Variants in AHCYL1 observed in about 807,000 individuals in gnomAD.
The protein encoded by AHCYL1 is S-adenosylhomocysteine hydrolase-like protein 1.
A neutral mutation model predicts 79.3 loss-of-function variants in AHCYL1; 20 were observed. The observed-to-expected ratio is 0.25, with a 90% CI of 0.18 to 0.37. AHCYL1 has a LOEUF of 0.37. AHCYL1 is among the 10% of genes least tolerant of loss of function. The probability of loss-of-function intolerance (pLI) is 1.00; values close to 1 mark genes in which losing one functional copy is unlikely to be tolerated. For synonymous variants in AHCYL1, 223 were observed against 242.2 expected, an observed-to-expected ratio of 0.92 and a Z score of 0.74; for missense variants, 330 against 673.6, an observed-to-expected ratio of 0.49 and a Z score of 5.65.
At chr1:109,993,184 T>G (rs1470080009) in intron 1 of AHCYL1, among the ~76,000 whole-genome samples, 2 of 152,222 alleles carry the variant, frequency 1.3e-5, no homozygotes, top group Admixed American at 1.3e-4. Context: ...CAGATGCCCC[T>G]GAAGCTCCAG....
chr1:110,004,040 C>T, intron 1 of AHCYL1: 1 of 985,452 alleles, frequency 1.0e-6, no homozygotes, highest in Non-Finnish European at 1.2e-6. Flanking sequence ...TTTTAAGTGA[C>T]TCAGCAGTTT....
At chr1:110,019,964 G>A (rs145522642) in intron 15 of AHCYL1, among the ~76,000 whole-genome samples, 2 of 152,304 alleles carry the variant, frequency 1.3e-5, no homozygotes, top group East Asian at 3.9e-4. Flanking sequence ...GGAACAAAAT[G>A]AGAGAAACAA....
intron 1 of AHCYL1, among the ~76,000 whole-genome samples, chr1:109,996,170 A>C (rs116753569): frequency 6.6e-6 from 1 of 152,200 alleles, no homozygotes; most frequent in Non-Finnish European, 1.5e-5. Flanking sequence ...AGATGGCATG[A>C]CTACACTCCA....
At chr1:109,989,457 G>A (rs922937210) in intron 1 of AHCYL1, among the ~76,000 whole-genome samples, 8 of 152,098 alleles carry the variant, frequency 5.3e-5, no homozygotes, top group Non-Finnish European at 8.8e-5. Context: ...GGGCTCAAGC[G>A]ATCTTCCCAC....
At chr1:109,997,435 GC>G (rs1650086387) in intron 1 of AHCYL1, among the ~76,000 whole-genome samples, 1 of 152,178 alleles carries the variant, frequency 6.6e-6, no homozygotes, top group African/African-American at 2.4e-5. Flanking sequence ...AGCCAGGAGA[GC>G]AGCTTTCTCC....
At chr1:109,992,138 G>T (rs1373607010) in intron 1 of AHCYL1, among the ~76,000 whole-genome samples, 1 of 152,182 alleles carries the variant, frequency 6.6e-6, no homozygotes, top group East Asian at 1.9e-4. Context: ...GCTGGGCCCA[G>T]TGGCTCACGC....
chr1:110,014,704 G>A, intron 5 of AHCYL1, 59 bp from the exon 6 acceptor site: 2 of 1,308,204 alleles, frequency 1.5e-6, no homozygotes, highest in Non-Finnish European at 2.2e-6. Flanking sequence ...CTCAGAAAGT[G>A]ATTTGGTACA....
intron 11 of AHCYL1, 80 bp from the exon 12 acceptor site, chr1:110,018,293 C>G (rs186724): frequency 3.7e-6 from 5 of 1,351,108 alleles, no homozygotes; most frequent in African/African-American, 1.5e-5. Flanking sequence ...AGCCTCTGGT[C>G]TCCTATGTTC....
intron 2 of AHCYL1, among the ~76,000 whole-genome samples, chr1:110,009,672 A>G (rs1406237573): frequency 6.6e-6 from 1 of 152,158 alleles, no homozygotes; most frequent in Non-Finnish European, 1.5e-5. Context: ...GATTCAGACT[A>G]CTGTAATGTA....
intron 1 of AHCYL1, among the ~76,000 whole-genome samples, chr1:109,986,799 G>GTGCCTAGCTTTGTACCCAGCA (rs1386792541): frequency 6.6e-6 from 1 of 152,160 alleles, no homozygotes; most frequent in East Asian, 1.9e-4. Context: ...TGTATCCAGT[G>GTGCCTAGCTTTGTACCCAGCA]TGCCTAGCTT....
In AHCYL1 at chr1:110,022,309, G is replaced by A. The variant is rs1274756226; in HGVS notation, c.*629G>A. On this transcript the variant is annotated 3_prime_UTR_variant, in exon 17 of 17. Transcript: ENST00000369799. ...CTCCCACCAGACTTGCTCATTTTTC[G>A]AGTTTTTAACTAGACTACACTCTAT... 1 of 150,356 alleles carries A rather than the reference G, an allele frequency of 6.7e-6. No individual in the cohort carries two copies. The highest frequency in any genetic ancestry group is 2.5e-5 in the African/African-American group (1 of 40,762). The allele number at this position is 150,356 out of a possible 1,614,324, so 9.3% of individuals were successfully genotyped here.
At chr1:109,985,455 C>G (rs1649419642) in intron 1 of AHCYL1, 1 of 1,128,662 alleles carries the variant, frequency 8.9e-7, no homozygotes, top group South Asian at 2.6e-5. Context: ...TGAAGGGCCT[C>G]GAAGACGAGA....
rs778606933 is a variant in AHCYL1 at position 109,985,068 on chromosome 1, G to C, written c.16G>C (p.Ala6Pro). The part of the protein sequence containing the change: MSMPD[A>P]MPLPGVGEEL... ...CGGCCGGGGAATGTCGATGCCTGACGCGATGCCGCTGCCCGGGGTCGGGGA... is the reference window on the plus strand; with the variant it reads ...CGGCCGGGGAATGTCGATGCCTGACCCGATGCCGCTGCCCGGGGTCGGGGA... The change falls in exon 1 of 17, where the codon GCG becomes CCG. Residue 6 changes from alanine to proline, a missense_variant. Around this residue, in one of 6 missense-constraint regions of AHCYL1, gnomAD observed 66 missense variants for 68.0 expected, o/e 0.97. Transcript: ENST00000369799. The C allele has an allele frequency of 6.2e-7, 1 of 1,602,944 alleles. No individual in the cohort carries two copies. Among genetic ancestry groups the C allele is most frequent in the Non-Finnish European group, 8.5e-7 (1 of 1,175,900 alleles).
At chr1:109,994,097 C>G (rs1434883199) in intron 1 of AHCYL1, among the ~76,000 whole-genome samples, 1 of 152,216 alleles carries the variant, frequency 6.6e-6, no homozygotes, top group Non-Finnish European at 1.5e-5. Context: ...TTGAAACACA[C>G]CTTCTTTAGA....
At chr1:110,018,216 C>T (rs1651545873) in intron 11 of AHCYL1, among the ~76,000 whole-genome samples, 157 bp from the exon 12 acceptor site, 1 of 152,118 alleles carries the variant, frequency 6.6e-6, no homozygotes, top group Non-Finnish European at 1.5e-5. Flanking sequence ...ATCTGAAGAC[C>T]AGATAGCCTA....
chr1:110,018,691 A>T, intron 13 of AHCYL1, 41 bp downstream of exon 13: 1 of 1,538,494 alleles, frequency 6.5e-7, no homozygotes, highest in Non-Finnish European at 8.9e-7. Flanking sequence ...GCACAAGCAG[A>T]GTAGTTAGAT....
rs754029031 is a variant in AHCYL1 at position 110,011,156 on chromosome 1, G to A, written c.233-58G>A. 1.4e-5 allele frequency: 23 copies of A among 1,601,476 alleles called. No individual in the cohort carries two copies. In the East Asian group the frequency reaches 2.9e-4, roughly 20 times the overall value. On this transcript the variant is annotated intron_variant, in intron 2 of 16. Transcript: ENST00000369799. ...GAAAGTCCCTTGGGGACTGCACTCT[G>A]TAGAGTTGGGGACCACTGAGGTTTT... is the stretch of plus-strand genomic sequence containing the variant.
At chr1:109,989,429 G>A (rs2101690707) in intron 1 of AHCYL1, among the ~76,000 whole-genome samples, 1 of 152,160 alleles carries the variant, frequency 6.6e-6, no homozygotes, top group South Asian at 2.1e-4. Flanking sequence ...GTGTTGCCCA[G>A]GCTTGTCTTG....
At chr1:110,001,079 C>T in intron 1 of AHCYL1, 2 of 442,908 alleles carry the variant, frequency 4.5e-6, no homozygotes, top group Non-Finnish European at 6.0e-6. Context: ...GATGCTTGTT[C>T]TTTGTATGCC....
Sources: gnomAD v4.1 joint callset for allele counts (sites outside exome capture counted in the v4.1 genomes callset) on GRCh38, gnomAD v4.1.1 for gene constraint, gnomAD v4.1.1 regional missense constraint, MANE v1.5 for transcripts, NCBI Gene and HGNC (gene_info 2026-07-23, HGNC 2026-07-21) for gene names.